The following UEVLD variants were observed in gnomAD, a reference collection of about 807,000 sequenced individuals.
UEVLD encodes UEV and lactate/malate dehyrogenase domains.
A neutral mutation model predicts 58.6 loss-of-function variants in UEVLD; 47 were observed. The observed-to-expected ratio is 0.80, with a 90% CI of 0.63 to 1.02. The LOEUF (loss-of-function observed/expected upper bound fraction) is 1.02, where lower values mean the gene tolerates loss of function less well. UEVLD is among the 50% of genes least tolerant of loss of function. The pLI is 0.00. For missense variants in UEVLD, 510 were observed against 550.6 expected, an observed-to-expected ratio of 0.93 and a Z score of 0.74; for synonymous variants, 197 against 195.3, an observed-to-expected ratio of 1.01 and a Z score of -0.07.
chr11:18,530,002 T>C lies in UEVLD; in HGVS notation c.*2318A>G, dbSNP rs558881517. 6.6e-6 allele frequency: 1 copy of C among 152,220 alleles called. No individual in the cohort carries two copies. Among genetic ancestry groups the C allele is most frequent in the Non-Finnish European group, 1.5e-5 (1 of 68,032 alleles). The allele number at this position is 152,220 out of a possible 1,614,324, so 9.4% of individuals were successfully genotyped here. A position where few individuals can be genotyped will look rare whatever the true frequency, so the allele number is the denominator to read the frequency against. On this transcript the variant is annotated 3_prime_UTR_variant, in exon 12 of 12. Coordinates refer to ENST00000396197, the MANE Select transcript of UEVLD (RefSeq NM_001040697.4). ...TCTAACACAGTATTTGGAGTAACAG[T>C]AGGTGTTAAATAAACATTTGTTGTA...
chr11:18,551,605 G>T lies in UEVLD; in HGVS notation c.716-4555C>A, dbSNP rs1220970434. Among the ~76,000 whole-genome samples the T allele has an allele frequency of 5.9e-5, 9 of 152,096 alleles. No individual in the cohort carries two copies. The East Asian group carries it at 1.7e-3, about 29-fold the overall frequency. On this transcript the variant is annotated intron_variant, in intron 7 of 11. Coordinates refer to ENST00000396197, the MANE Select transcript of UEVLD (RefSeq NM_001040697.4). ...TGTAGTACAAGGGTTAGTAAGGAGG[G>T]CTTCAGAATGAGACCGCCTGGTTCA...
intron 1 of UEVLD, among the ~76,000 whole-genome samples, chr11:18,582,159 C>T (rs1253818507): frequency 6.6e-6 from 1 of 152,082 alleles, no homozygotes; most frequent in African/African-American, 2.4e-5. Context: ...TTTTTACATC[C>T]GTAAAATCAT....
chr11:18,578,952 C>T, intron 1 of UEVLD, 144 bp from the exon 2 acceptor site: 1 of 565,440 alleles, frequency 1.8e-6, no homozygotes. Flanking sequence ...ACTGCAACCT[C>T]CGTCTCCTGG....
chr11:18,580,126 G>A (rs1015986821), intron 1 of UEVLD, among the ~76,000 whole-genome samples: 5 of 144,504 alleles, frequency 3.5e-5, no homozygotes, highest in African/African-American at 1.3e-4. Flanking sequence ...AAAACGATCA[G>A]GAAAAAGAAC....
At chr11:18,567,273 T>C (rs1044681407) in intron 4 of UEVLD, among the ~76,000 whole-genome samples, 1 of 152,214 alleles carries the variant, frequency 6.6e-6, no homozygotes, top group African/African-American at 2.4e-5. Context: ...TCATCAGTAA[T>C]ACAAAGTGAA....
At chr11:18,573,203 T>G (rs927381049) in intron 3 of UEVLD, among the ~76,000 whole-genome samples, 1 of 152,212 alleles carries the variant, frequency 6.6e-6, no homozygotes, top group African/African-American at 2.4e-5. Flanking sequence ...CTTTCTGCCC[T>G]CATGTTACCG....
chr11:18,558,227 C>T lies in UEVLD; in HGVS notation c.715+1G>A, dbSNP rs371094697. The T allele has an allele frequency of 2.5e-6, 4 of 1,609,766 alleles. No homozygotes were observed. Among genetic ancestry groups the T allele is most frequent in the Non-Finnish European group, 2.5e-6 (3 of 1,177,932 alleles). ...TACATCTTTAAGCAGAATAAACAGA[C>T]CTTTGCTGATCTCCACATTAGGAAG... On this transcript the variant is annotated splice_donor_variant, in intron 7 of 11. Coordinates refer to ENST00000396197, the MANE Select transcript of UEVLD (RefSeq NM_001040697.4). LOFTEE classifies it high-confidence loss of function.
chr11:18,572,250 A>G (rs1852664069), intron 3 of UEVLD, among the ~76,000 whole-genome samples: 1 of 152,232 alleles, frequency 6.6e-6, no homozygotes, highest in Non-Finnish European at 1.5e-5. Context: ...AAAAAGTAAA[A>G]GAAAAAAAGA....
At chr11:18,587,800 C>CA (rs112055885) in intron 1 of UEVLD, 7,927 of 144,346 alleles carry the variant, frequency 0.055, 326 homozygotes, top group East Asian at 0.2. Flanking sequence ...AAGACTCTGT[C>CA]AAAAAAAAAA....
chr11:18,558,495 AATT>A (rs756331196), intron 6 of UEVLD, among the ~76,000 whole-genome samples, 165 bp from the exon 7 acceptor site: 8 of 152,170 alleles, frequency 5.3e-5, no homozygotes, highest in Non-Finnish European at 1.2e-4. Context: ...GCAAGCAAGA[AATT>A]ATTAACTTTG....
chr11:18,564,051 G>A, intron 6 of UEVLD: 2 of 279,454 alleles, frequency 7.2e-6, no homozygotes, highest in Non-Finnish European at 1.5e-5. Context: ...CAAATGGAGG[G>A]TGAAAGAAAT....
intron 3 of UEVLD, among the ~76,000 whole-genome samples, chr11:18,573,581 A>G (rs745906690): frequency 4.6e-5 from 7 of 152,228 alleles, no homozygotes; most frequent in Non-Finnish European, 7.3e-5. Context: ...TCACTCTGCA[A>G]TCTCTGCATG....
chr11:18,557,632 T>C (rs1851813869), intron 7 of UEVLD, among the ~76,000 whole-genome samples: 1 of 151,336 alleles, frequency 6.6e-6, no homozygotes, highest in Admixed American at 6.6e-5. Flanking sequence ...GTCACAATCC[T>C]AGTGCATTGC....
chr11:18,565,047 A>T, intron 5 of UEVLD, 37 bp from the exon 6 acceptor site: 1 of 1,475,460 alleles, frequency 6.8e-7, no homozygotes, highest in Non-Finnish European at 9.4e-7. Context: ...GAATTCAAAA[A>T]TATCAAGAAT....
chr11:18,575,298 G>A lies in UEVLD; in HGVS notation c.193+49C>T, dbSNP rs542882216. On this transcript the variant is annotated intron_variant, in intron 3 of 11. Transcript: ENST00000396197. ...CATAAACAAATTTAAGTTATTAAAT[G>A]AACTGCTCTTTTAGAAAACTCACAC... The A allele has an allele frequency of 3.6e-4, 558 of 1,556,112 alleles. 15 individuals are homozygous for A. In the South Asian group the frequency reaches 6.4e-3, roughly 18 times the overall value.
intron 4 of UEVLD, 30 bp downstream of exon 4, chr11:18,570,184 C>A (rs755148825): frequency 2.7e-6 from 4 of 1,499,638 alleles, no homozygotes; most frequent in East Asian, 2.5e-5. Flanking sequence ...AAAAAAAAAG[C>A]TTTCTGTAGA....
At position 18,588,554 on chromosome 11, in the gene UEVLD, G is replaced by C. The variant is rs1402735309; in HGVS notation, c.42+59C>G. The C allele has an allele frequency of 1.1e-5, 18 of 1,588,620 alleles. 1 individual carries two copies. Among genetic ancestry groups the C allele is most frequent in the Non-Finnish European group, 1.5e-5 (18 of 1,169,548 alleles). On this transcript the variant is annotated intron_variant, in intron 1 of 11. Transcript: ENST00000396197. ...CAAAACGGAGGCAACCTGGCCAAAG[G>C]CAGAGGCACCCCCCGCAAGACCCTG...
In UEVLD at chr11:18,532,400, G is replaced by A; in HGVS notation, c.1336C>T (p.Leu446=). 6.2e-7 allele frequency: 1 copy of A among 1,613,526 alleles called. No individual in the cohort carries two copies. Among genetic ancestry groups the A allele is most frequent in the Admixed American group, 1.7e-5 (1 of 59,932 alleles). The part of the protein sequence containing the change: ...NGVSEVIKTT[L]KEDTVTEKLQ... ...TTCTCAGTAACTGTATCTTCTTTCA[G>A]TGTGGTTTTGATAACTTCAGATACT... Residue 446 remains leucine, a synonymous_variant, in exon 12 of 12, where the codon CTG becomes TTG. Transcript: ENST00000396197.
intron 2 of UEVLD, among the ~76,000 whole-genome samples, chr11:18,577,924 A>G (rs1398669420): frequency 6.6e-6 from 1 of 151,796 alleles, no homozygotes; most frequent in Non-Finnish European, 1.5e-5. Context: ...AATATTTCTT[A>G]GAAAACCAAA....
Sources: gnomAD v4.1 joint callset for allele counts (sites outside exome capture counted in the v4.1 genomes callset) on GRCh38, gnomAD v4.1.1 for gene constraint, MANE v1.5 for transcripts, NCBI Gene and HGNC (gene_info 2026-07-23, HGNC 2026-07-21) for gene names.